Variants in EFCAB11 observed in about 807,000 individuals in gnomAD.
EFCAB11 encodes EF-hand calcium binding domain 11.
In EFCAB11, 14 loss-of-function variants were observed where a neutral mutation model predicts 23.0. That is an observed-to-expected ratio of 0.61 (90% CI 0.40 to 0.95). The LOEUF (loss-of-function observed/expected upper bound fraction) is 0.95, where lower values mean the gene tolerates loss of function less well. Among genes scored for constraint, EFCAB11 ranks in the 40% least tolerant of loss-of-function variants. The pLI is 0.00. For missense variants in EFCAB11, 198 were observed against 195.8 expected, an observed-to-expected ratio of 1.01 and a Z score of -0.07; for synonymous variants, 65 against 66.6, an observed-to-expected ratio of 0.98 and a Z score of 0.11.
At chr14:89,878,424 C>A (rs1483288370) in intron 5 of EFCAB11, among the ~76,000 whole-genome samples, 4 of 152,052 alleles carry the variant, frequency 2.6e-5, no homozygotes. Context: ...ATGCTACCCA[C>A]TATTTAAATA....
intron 5 of EFCAB11, among the ~76,000 whole-genome samples, chr14:89,912,656 T>G (rs973898687): frequency 2.0e-5 from 3 of 152,244 alleles, no homozygotes; most frequent in Admixed American, 6.5e-5. Flanking sequence ...CTCCCTGTTT[T>G]TGTCATACGT....
intron 5 of EFCAB11, among the ~76,000 whole-genome samples, chr14:89,812,366 G>A (rs1596377476): frequency 2.0e-5 from 3 of 152,234 alleles, no homozygotes; most frequent in African/African-American, 7.2e-5. Flanking sequence ...ACTGAACATT[G>A]TAAAGATGCC....
At chr14:89,927,077 C>T (rs1890216965) in intron 5 of EFCAB11, among the ~76,000 whole-genome samples, 1 of 145,600 alleles carries the variant, frequency 6.9e-6, no homozygotes, top group African/African-American at 2.6e-5. Context: ...AATTATTTTA[C>T]ATTTAGTTCT....
At chr14:89,924,631 C>A in intron 5 of EFCAB11, 1 of 1,535,500 alleles carries the variant, frequency 6.5e-7, no homozygotes, top group South Asian at 1.2e-5. Context: ...AACTTTAAGT[C>A]AGCTTCCTGA....
chr14:89,932,029 T>C (rs934845959), intron 4 of EFCAB11, among the ~76,000 whole-genome samples: 5 of 149,036 alleles, frequency 3.4e-5, no homozygotes, highest in African/African-American at 7.5e-5. Context: ...AATATTGCTA[T>C]TTAGAAGGAA....
chr14:89,885,888 T>C lies in EFCAB11; in HGVS notation c.410+45653A>G, dbSNP rs552494638. ...GTTGGCTTCTTGTTTTTTTCTTTTTTTTTCTTTGGTGGAAATTGAAAAACT... is the reference window on the plus strand; with the variant it reads ...GTTGGCTTCTTGTTTTTTTCTTTTTCTTTCTTTGGTGGAAATTGAAAAACT... On this transcript the variant is annotated intron_variant, in intron 5 of 5. Transcript: ENST00000316738. Among the ~76,000 whole-genome samples, 179 of 150,738 alleles carry C rather than the reference T, an allele frequency of 1.2e-3. 1 individual carries two copies. The Middle Eastern group carries it at 0.014, about 11-fold the overall frequency.
intron 5 of EFCAB11, among the ~76,000 whole-genome samples, chr14:89,865,669 T>G (rs1888064948): frequency 6.6e-6 from 1 of 151,362 alleles, no homozygotes. Context: ...GTCTGGCTTG[T>G]GTTTATTTTT....
chr14:89,938,794 G>A (rs954191483), intron 3 of EFCAB11, among the ~76,000 whole-genome samples: 1 of 151,592 alleles, frequency 6.6e-6, no homozygotes, highest in Non-Finnish European at 1.5e-5. Flanking sequence ...AGGTGGTGCC[G>A]CACCTGTAAT....
intron 5 of EFCAB11, among the ~76,000 whole-genome samples, chr14:89,823,154 A>C (rs2140104182): frequency 6.6e-6 from 1 of 152,294 alleles, no homozygotes; most frequent in South Asian, 2.1e-4. Context: ...AGGAGGTCGA[A>C]GAGACTCAAA....
intron 5 of EFCAB11, among the ~76,000 whole-genome samples, chr14:89,865,465 A>AGG (rs1245218740): frequency 5.0e-4 from 76 of 152,138 alleles, no homozygotes; most frequent in African/African-American, 1.5e-3. Flanking sequence ...GGAGAGAGAG[A>AGG]GAGAGATACT....
At chr14:89,891,349 T>C (rs966235466) in intron 5 of EFCAB11, among the ~76,000 whole-genome samples, 1 of 152,184 alleles carries the variant, frequency 6.6e-6, no homozygotes, top group Non-Finnish European at 1.5e-5. Context: ...TAGAAAACTA[T>C]AAGATGTAAC....
At chr14:89,869,538 T>C (rs1386533432) in intron 5 of EFCAB11, among the ~76,000 whole-genome samples, 1 of 152,124 alleles carries the variant, frequency 6.6e-6, no homozygotes, top group Non-Finnish European at 1.5e-5. Context: ...AAGGATTAAA[T>C]GACAAAGACC....
At chr14:89,927,977 C>A (rs1451383866) in intron 5 of EFCAB11, among the ~76,000 whole-genome samples, 1 of 152,164 alleles carries the variant, frequency 6.6e-6, no homozygotes, top group East Asian at 1.9e-4. Context: ...CCCGCCTCGG[C>A]CTCCCAAAGT....
intron 5 of EFCAB11, among the ~76,000 whole-genome samples, chr14:89,889,317 G>A (rs566481493): frequency 6.6e-6 from 1 of 152,138 alleles, no homozygotes; most frequent in African/African-American, 2.4e-5. Flanking sequence ...TGGATTCGAA[G>A]CCTTACTATG....
At chr14:89,878,938 T>C (rs1888522349) in intron 5 of EFCAB11, among the ~76,000 whole-genome samples, 1 of 152,176 alleles carries the variant, frequency 6.6e-6, no homozygotes, top group Admixed American at 6.5e-5. Context: ...CATTAGGCTA[T>C]ACATTTCATT....
chr14:89,797,641 A>G (rs2140069590), intron 5 of EFCAB11, among the ~76,000 whole-genome samples: 1 of 152,322 alleles, frequency 6.6e-6, no homozygotes, highest in African/African-American at 2.4e-5. Context: ...TATGTCAAAA[A>G]CATATGCAGG....
intron 3 of EFCAB11, among the ~76,000 whole-genome samples, chr14:89,936,794 A>C (rs902832372): frequency 6.6e-6 from 1 of 152,164 alleles, no homozygotes; most frequent in Admixed American, 6.5e-5. Flanking sequence ...AAAACACATT[A>C]ATGTAAGCTG....
At chr14:89,804,485 C>G (rs930519824) in intron 5 of EFCAB11, among the ~76,000 whole-genome samples, 12 of 152,224 alleles carry the variant, frequency 7.9e-5, no homozygotes, top group Admixed American at 3.3e-4. Context: ...AAGCTCCAAT[C>G]GCTCATAGTA....
chr14:89,917,092 GTGTGTA>G (rs765657556), intron 5 of EFCAB11, among the ~76,000 whole-genome samples: 3,831 of 114,740 alleles, frequency 0.033, 79 homozygotes, highest in African/African-American at 0.14. Flanking sequence ...GTGTGTGTGT[GTGTGTA>G]TGTGTGTGTT....
Sources: gnomAD v4.1 joint callset for allele counts (sites outside exome capture counted in the v4.1 genomes callset) on GRCh38, gnomAD v4.1.1 for gene constraint, MANE v1.5 for transcripts, NCBI Gene and HGNC (gene_info 2026-07-23, HGNC 2026-07-21) for gene names.